MAN2A1: variants seen among roughly 807,000 people sequenced by gnomAD.
MAN2A1 encodes alpha-mannosidase 2.
Under a neutral mutation model 142.6 loss-of-function variants are expected in MAN2A1, and 76 were observed. The ratio of observed to expected loss-of-function variants is 0.53; its 90% CI spans 0.44 to 0.65. The LOEUF is 0.65. MAN2A1 is among the 30% of genes least tolerant of loss of function. MAN2A1 has a pLI of 0.00. For missense variants in MAN2A1, 1,311 were observed against 1,365.1 expected, an observed-to-expected ratio of 0.96 and a Z score of 0.62; for synonymous variants, 559 against 473.2, an observed-to-expected ratio of 1.18 and a Z score of -2.35.
At chr5:109,743,232 T>C (rs944887342) in intron 4 of MAN2A1, among the ~76,000 whole-genome samples, 1 of 152,206 alleles carries the variant, frequency 6.6e-6, no homozygotes, top group Non-Finnish European at 1.5e-5. Context: ...TCTCGCCTGT[T>C]GGGGAACACT....
intron 1 of MAN2A1, among the ~76,000 whole-genome samples, chr5:109,703,229 A>G (rs1373044876): frequency 6.6e-6 from 1 of 152,244 alleles, no homozygotes; most frequent in Non-Finnish European, 1.5e-5. Context: ...TGTCAAAATT[A>G]CTTGTTTAAA....
chr5:109,849,453 C>A (rs901440052), intron 19 of MAN2A1, among the ~76,000 whole-genome samples: 1 of 152,162 alleles, frequency 6.6e-6, no homozygotes, highest in South Asian at 2.1e-4. Flanking sequence ...TCAACAGCCA[C>A]CGCCATCCAT....
intron 8 of MAN2A1, among the ~76,000 whole-genome samples, chr5:109,776,140 A>G (rs939049400): frequency 6.7e-6 from 1 of 149,862 alleles, no homozygotes; most frequent in African/African-American, 2.5e-5. Flanking sequence ...CAGCATGTTT[A>G]TTATTTCACA....
intron 17 of MAN2A1, 26 bp from the exon 18 acceptor site, chr5:109,845,838 TG>T (rs764406184): frequency 1.3e-6 from 2 of 1,592,042 alleles, no homozygotes; most frequent in South Asian, 2.3e-5. Flanking sequence ...TATCACTTTT[TG>T]TAGATGGAAT....
chr5:109,786,953 C>G (rs1180844035), intron 10 of MAN2A1, among the ~76,000 whole-genome samples: 1 of 151,978 alleles, frequency 6.6e-6, no homozygotes, highest in Non-Finnish European at 1.5e-5. Context: ...TCTTTCTCCT[C>G]TGCCATAGTA....
intron 13 of MAN2A1, among the ~76,000 whole-genome samples, chr5:109,818,933 C>T (rs1474378398): frequency 6.6e-6 from 1 of 152,108 alleles, no homozygotes; most frequent in Non-Finnish European, 1.5e-5. Flanking sequence ...TCCCAGGACC[C>T]TCTGGGGATA....
intron 12 of MAN2A1, chr5:109,804,085 T>C (rs1414602452): frequency 3.1e-5 from 24 of 766,624 alleles, no homozygotes; most frequent in Non-Finnish European, 3.2e-5. Flanking sequence ...GAACATAGAC[T>C]AAAGTGATGT....
intron 1 of MAN2A1, among the ~76,000 whole-genome samples, chr5:109,702,672 A>G (rs1055649877): frequency 6.6e-6 from 1 of 152,224 alleles, no homozygotes; most frequent in Non-Finnish European, 1.5e-5. Context: ...TAGAAGATCC[A>G]ACCAATAATT....
At chr5:109,785,983 A>C (rs907595647) in intron 10 of MAN2A1, among the ~76,000 whole-genome samples, 1 of 152,124 alleles carries the variant, frequency 6.6e-6, no homozygotes, top group Non-Finnish European at 1.5e-5. Flanking sequence ...AGTAAATGTT[A>C]ATTAAATTTT....
At chr5:109,798,549 C>G (rs1582907921) in intron 12 of MAN2A1, among the ~76,000 whole-genome samples, 2 of 152,176 alleles carry the variant, frequency 1.3e-5, no homozygotes, top group East Asian at 3.9e-4. Context: ...CACTATTAGC[C>G]TCTTTCACTC....
At chr5:109,783,526 A>G (rs1013505940) in intron 9 of MAN2A1, among the ~76,000 whole-genome samples, 33 of 152,176 alleles carry the variant, frequency 2.2e-4, no homozygotes, top group African/African-American at 8.0e-4. Flanking sequence ...TGGAAGGATT[A>G]GAATTTAAAA....
At chr5:109,801,153 G>T (rs1006558298) in intron 12 of MAN2A1, among the ~76,000 whole-genome samples, 2 of 152,170 alleles carry the variant, frequency 1.3e-5, no homozygotes, top group African/African-American at 4.8e-5. Flanking sequence ...TTCAAGGCAG[G>T]TAGTTAGGGC....
chr5:109,753,347 C>T (rs777735185), intron 4 of MAN2A1, among the ~76,000 whole-genome samples: 5 of 152,138 alleles, frequency 3.3e-5, no homozygotes, highest in Admixed American at 6.5e-5. Context: ...AAGGTGGGAC[C>T]GGTAGCCTTG....
chr5:109,776,879 T>G (rs1049843210), intron 8 of MAN2A1, among the ~76,000 whole-genome samples: 2 of 152,174 alleles, frequency 1.3e-5, no homozygotes, highest in Admixed American at 6.5e-5. Flanking sequence ...TCTTTTCACA[T>G]TATGTTTGCG....
chr5:109,844,836 G>C (rs573374964), intron 17 of MAN2A1, among the ~76,000 whole-genome samples: 1 of 152,234 alleles, frequency 6.6e-6, no homozygotes, highest in African/African-American at 2.4e-5. Flanking sequence ...CAGTCATTAG[G>C]TTAGGTCCCA....
chr5:109,824,526 A>G (rs1034185612), intron 16 of MAN2A1, among the ~76,000 whole-genome samples: 4 of 152,172 alleles, frequency 2.6e-5, no homozygotes, highest in African/African-American at 9.7e-5. Flanking sequence ...CCAACTACAG[A>G]TTTAATCCTA....
intron 19 of MAN2A1, chr5:109,854,884 T>G (rs1189165323): frequency 9.9e-6 from 3 of 302,510 alleles, no homozygotes; most frequent in African/African-American, 4.3e-5. Flanking sequence ...GTAGGAAATG[T>G]TTTCAGTATT....
intron 4 of MAN2A1, among the ~76,000 whole-genome samples, chr5:109,739,595 G>A (rs891925726): frequency 3.9e-5 from 6 of 152,234 alleles, no homozygotes; most frequent in South Asian, 2.1e-4. Flanking sequence ...ATTGTTGTCC[G>A]TAAGTCCAAG....
At chr5:109,745,050 C>T (rs1285145461) in intron 4 of MAN2A1, among the ~76,000 whole-genome samples, 2 of 152,016 alleles carry the variant, frequency 1.3e-5, no homozygotes, top group Non-Finnish European at 2.9e-5. Flanking sequence ...AGAGGAGACT[C>T]AACTGATCTA....
Sources: allele counts gnomAD v4.1 joint callset (sites outside exome capture counted in the v4.1 genomes callset), GRCh38; gene constraint gnomAD v4.1.1; transcripts MANE v1.5; gene names NCBI Gene and HGNC (gene_info 2026-07-23, HGNC 2026-07-21).